The following CFAP119 variants were observed in gnomAD, a reference collection of about 807,000 sequenced individuals.
The protein encoded by CFAP119 is cilia and flagella associated protein 119, also known as cilia- and flagella-associated protein 119.
At chr16:30,761,007 C>T in the CFAP119 span, 3 of 654,046 alleles carry the variant, frequency 4.6e-6, no homozygotes, top group African/African-American at 5.5e-5. Context: ...GTCTTTGGCT[C>T]TTTTTTTCTC....
At chr16:30,759,550 A>T in the CFAP119 span, 218 of 1,614,006 alleles carry the variant, frequency 1.4e-4, no homozygotes, top group Non-Finnish European at 1.8e-4. Context: ...AGGAGAGCCC[A>T]CTGGGGTCTT....
the CFAP119 span, chr16:30,761,857 C>T: frequency 9.2e-7 from 1 of 1,092,854 alleles, no homozygotes; most frequent in Non-Finnish European, 1.3e-6. Context: ...CGCCTCGCTC[C>T]GGCCAATCTA....
the CFAP119 span, chr16:30,759,518 C>T: frequency 8.1e-6 from 13 of 1,614,128 alleles, no homozygotes; most frequent in South Asian, 1.1e-5. Context: ...GCTTTGCCTC[C>T]AAAAGCCCAG....
At chr16:30,761,906 T>G in the CFAP119 span, 1 of 699,102 alleles carries the variant, frequency 1.4e-6, no homozygotes, top group Admixed American at 3.1e-5. Context: ...CGTGGGGGCG[T>G]CTCCCTCCGT....
the CFAP119 span, chr16:30,761,111 TG>T: frequency 6.8e-7 from 1 of 1,479,128 alleles, no homozygotes. Context: ...ATCTGTAAAA[TG>T]GGGATGCCCT....
At chr16:30,759,873 C>T in the CFAP119 span, 3 of 1,453,420 alleles carry the variant, frequency 2.1e-6, no homozygotes, top group African/African-American at 1.4e-5. Context: ...GTAACAAATA[C>T]TGAATACCCA....
At chr16:30,757,465 A>G in the CFAP119 span, 1 of 1,609,800 alleles carries the variant, frequency 6.2e-7, no homozygotes, top group Non-Finnish European at 8.5e-7. Context: ...TATTGGGGAA[A>G]ATGTTGGGGG....
At chr16:30,759,127 T>G in the CFAP119 span, 1 of 1,614,212 alleles carries the variant, frequency 6.2e-7, no homozygotes, top group Non-Finnish European at 8.5e-7. Flanking sequence ...AGGAAGAGAC[T>G]GTGGCCCCAG....
At chr16:30,757,837 A>C in the CFAP119 span, 1 of 1,405,434 alleles carries the variant, frequency 7.1e-7, no homozygotes, top group Non-Finnish European at 9.2e-7. Flanking sequence ...TAGGGTGGCT[A>C]TGCTGGACTT....
At chr16:30,757,760 T>C in the CFAP119 span, 22 of 1,465,688 alleles carry the variant, frequency 1.5e-5, no homozygotes, top group Non-Finnish European at 2.0e-5. Flanking sequence ...CTGGTGGGGA[T>C]ATAGAGGTAG....
the CFAP119 span, chr16:30,761,683 GGA>G: frequency 2.0e-6 from 3 of 1,535,804 alleles, no homozygotes; most frequent in South Asian, 1.2e-5. Flanking sequence ...GCCGCAGCTC[GGA>G]GAGATGTTCA....
chr16:30,760,344 A>G, the CFAP119 span: 1 of 1,614,242 alleles, frequency 6.2e-7, no homozygotes, highest in Non-Finnish European at 8.5e-7. Flanking sequence ...TGCTCCAGTG[A>G]GAAGCCCTGC....
the CFAP119 span, chr16:30,759,202 T>G: frequency 1.2e-6 from 2 of 1,614,222 alleles, no homozygotes; most frequent in South Asian, 2.2e-5. Context: ...GGCCACAGTT[T>G]GGGTGGCTGT....
chr16:30,758,687 C>G, the CFAP119 span: 1 of 336,488 alleles, frequency 3.0e-6, no homozygotes, highest in Non-Finnish European at 5.6e-6. Flanking sequence ...TCCTGAGTAG[C>G]TGGGACTACA....
At chr16:30,757,591 T>C in the CFAP119 span, 1 of 1,614,190 alleles carries the variant, frequency 6.2e-7, no homozygotes. Flanking sequence ...CACCAGCCCC[T>C]GGAGCTGCTC....
the CFAP119 span, chr16:30,760,332 T>C: frequency 1.9e-6 from 3 of 1,614,220 alleles, no homozygotes; most frequent in Non-Finnish European, 2.5e-6. Flanking sequence ...GCCGCTGACG[T>C]CTGCTCCAGT....
the CFAP119 span, chr16:30,757,814 A>G: frequency 1.4e-6 from 2 of 1,416,446 alleles, no homozygotes; most frequent in Non-Finnish European, 1.8e-6. Context: ...CCCTTGTGTG[A>G]GAGGTAGTTG....
the CFAP119 span, chr16:30,761,086 C>T: frequency 3.2e-6 from 4 of 1,252,434 alleles, no homozygotes; most frequent in African/African-American, 3.0e-5. Context: ...AATTGCATCT[C>T]CAGGCCTCAG....
At chr16:30,759,555 G>A in the CFAP119 span, 1 of 1,614,092 alleles carries the variant, frequency 6.2e-7, no homozygotes, top group East Asian at 2.2e-5. Context: ...AGCCCACTGG[G>A]GTCTTCACAA....
Sources: allele counts gnomAD v4.1 joint callset, GRCh38; gene constraint gnomAD v4.1.1; transcripts MANE v1.5; gene names NCBI Gene and HGNC (gene_info 2026-07-23, HGNC 2026-07-21).